Variants in CRLF3 observed in about 807,000 individuals in gnomAD.
The protein encoded by CRLF3 is cytokine receptor like factor 3.
CRLF3 carries 33 observed loss-of-function variants against 55.0 expected under a neutral mutation model. That is an observed-to-expected ratio of 0.60 (90% CI 0.46 to 0.80). The LOEUF (loss-of-function observed/expected upper bound fraction) is 0.80, where lower values mean the gene tolerates loss of function less well. CRLF3 is among the 30% of genes least tolerant of loss of function. CRLF3 has a pLI of 0.00. For missense variants in CRLF3, 494 were observed against 538.4 expected, an observed-to-expected ratio of 0.92 and a Z score of 0.82; for synonymous variants, 238 against 196.8, an observed-to-expected ratio of 1.21 and a Z score of -1.75.
At chr17:30,820,918 G>A (rs959173066) in intron 1 of CRLF3, among the ~76,000 whole-genome samples, 1 of 151,862 alleles carries the variant, frequency 6.6e-6, no homozygotes, top group Admixed American at 6.6e-5. Context: ...AGGCAGGTGT[G>A]GTGGTGTGTA....
At position 30,784,009 on chromosome 17, in the gene CRLF3, T is replaced by C. The variant is rs1314477477; in HGVS notation, c.*178A>G. On this transcript the variant is annotated 3_prime_UTR_variant, in exon 8 of 8. Coordinates refer to ENST00000324238, the MANE Select transcript of CRLF3 (RefSeq NM_015986.4). ...AAATAAAATTGACTGAATTGTATGA[T>C]TTTGTCCACAACATTGAAGTCTCTT... 5.3e-6 allele frequency: 3 copies of C among 569,282 alleles called. No homozygotes were observed. The highest frequency in any genetic ancestry group is 1.9e-5 in the African/African-American group (1 of 53,068). The allele number at this position is 569,282 out of a possible 1,614,324, so 35.3% of individuals were successfully genotyped here.
intron 1 of CRLF3, among the ~76,000 whole-genome samples, chr17:30,814,768 G>A (rs1231351108): frequency 1.3e-5 from 2 of 152,056 alleles, no homozygotes; most frequent in African/African-American, 2.4e-5. Context: ...TTGGGAGCTC[G>A]AGGCAGGTGG....
chr17:30,793,750 GAGCCATTTTGGACCA>G, intron 4 of CRLF3, 78 bp from the exon 5 acceptor site: 1 of 999,088 alleles, frequency 1.0e-6, no homozygotes, highest in Non-Finnish European at 1.5e-6. Context: ...ATTTTGAACG[GAGCCATTTTGGACCA>G]AGCAGACAGG....
chr17:30,816,343 C>T (rs1027981075), intron 1 of CRLF3, among the ~76,000 whole-genome samples: 3 of 150,492 alleles, frequency 2.0e-5, no homozygotes, highest in African/African-American at 7.3e-5. Flanking sequence ...GACTCAAAAA[C>T]CAATGTAAAT....
chr17:30,802,733 T>C (rs1597924468), intron 2 of CRLF3, among the ~76,000 whole-genome samples: 1 of 152,098 alleles, frequency 6.6e-6, no homozygotes, highest in East Asian at 1.9e-4. Context: ...CCCTTGTTTA[T>C]GTTATGTGCC....
intron 1 of CRLF3, among the ~76,000 whole-genome samples, chr17:30,821,124 G>A (rs140985021): frequency 7.9e-4 from 119 of 151,412 alleles, no homozygotes; most frequent in Non-Finnish European, 1.3e-3. Context: ...GCCAAAGTGG[G>A]TGTTCATCTG....
At chr17:30,791,503 A>C (rs1447416190) in intron 6 of CRLF3, among the ~76,000 whole-genome samples, 4 of 141,426 alleles carry the variant, frequency 2.8e-5, no homozygotes, top group Non-Finnish European at 6.1e-5. Context: ...CACTGCGTCC[A>C]GTCTCTTGGC....
At chr17:30,797,641 A>G (rs535895731) in intron 2 of CRLF3, among the ~76,000 whole-genome samples, 78 of 152,174 alleles carry the variant, frequency 5.1e-4, no homozygotes, top group Admixed American at 7.2e-4. Context: ...TCTACTCTAT[A>G]CAAGGAAATC....
At chr17:30,814,987 G>C (rs1597931280) in intron 1 of CRLF3, among the ~76,000 whole-genome samples, 1 of 151,046 alleles carries the variant, frequency 6.6e-6, no homozygotes, top group Admixed American at 6.6e-5. Flanking sequence ...TGGGCAACAA[G>C]TGCGAAACTC....
At chr17:30,809,540 A>T (rs1003205589) in intron 1 of CRLF3, 3 of 152,230 alleles carry the variant, frequency 2.0e-5, no homozygotes, top group African/African-American at 7.2e-5. Context: ...ACTTTCAGAA[A>T]GTGAGGACCA....
At chr17:30,790,428 C>T (rs1597915479) in intron 6 of CRLF3, among the ~76,000 whole-genome samples, 1 of 152,046 alleles carries the variant, frequency 6.6e-6, no homozygotes, top group African/African-American at 2.4e-5. Flanking sequence ...GAAACTTTTC[C>T]ATTACAGAAA....
intron 6 of CRLF3, among the ~76,000 whole-genome samples, chr17:30,788,592 G>A (rs190164790): frequency 7.2e-6 from 1 of 138,156 alleles, no homozygotes; most frequent in African/African-American, 2.8e-5. Context: ...TAACAAAGTA[G>A]TGCCTTCTTT....
At chr17:30,789,709 A>C (rs894905415) in intron 6 of CRLF3, among the ~76,000 whole-genome samples, 1 of 152,232 alleles carries the variant, frequency 6.6e-6, no homozygotes, top group African/African-American at 2.4e-5. Context: ...AAATCAAATG[A>C]GTTAATACAA....
At chr17:30,786,679 C>T (rs372173532) in intron 6 of CRLF3, 1 of 145,778 alleles carries the variant, frequency 6.9e-6, no homozygotes, top group African/African-American at 2.7e-5. Context: ...CACAGGCATT[C>T]TGACTCTAGA....
At chr17:30,810,255 C>T (rs1363850939) in intron 1 of CRLF3, among the ~76,000 whole-genome samples, 1 of 152,122 alleles carries the variant, frequency 6.6e-6, no homozygotes, top group Non-Finnish European at 1.5e-5. Flanking sequence ...ATGTAACAGA[C>T]CATTAAAACT....
rs750539288 is a variant in CRLF3, at chr17:30,796,725, CTTTT to C, written c.426-392_426-389del. Among the ~76,000 whole-genome samples the C allele has an allele frequency of 3.8e-5, 5 of 132,260 alleles. No homozygotes were observed. The Admixed American group carries it at 3.9e-4, about 10-fold the overall frequency. 86.8% of individuals were successfully genotyped at this position (132,260 alleles called of 152,430 possible). On this transcript the variant is annotated intron_variant, in intron 3 of 7. Coordinates refer to ENST00000324238, the MANE Select transcript of CRLF3 (RefSeq NM_015986.4). ...AACAGTGGTAATGGGCAGTGAAACG[CTTTT>C]TTTTTTTTTTTTCAGACAGAGTCTC...
At chr17:30,793,372 A>T in intron 5 of CRLF3, 78 bp downstream of exon 5, 1 of 1,055,236 alleles carries the variant, frequency 9.5e-7, no homozygotes, top group Admixed American at 2.0e-5. Context: ...GCTGGTTGTC[A>T]GTGTGCTGCC....
At chr17:30,788,599 C>CTTTTTTTTTTTTTTTTTTTTTT (rs1159336036) in intron 6 of CRLF3, among the ~76,000 whole-genome samples, 1 of 80,038 alleles carries the variant, frequency 1.2e-5, no homozygotes, top group African/African-American at 5.8e-5. Flanking sequence ...GTAGTGCCTT[C>CTTTTTTTTTTTTTTTTTTTTTT]TTTTTTTTTT....
chr17:30,792,973 A>T, intron 5 of CRLF3: 1 of 113,306 alleles, frequency 8.8e-6, no homozygotes. Flanking sequence ...CCTGGGCAAC[A>T]TAGCAAGACC....
Sources: allele counts gnomAD v4.1 joint callset (sites outside exome capture counted in the v4.1 genomes callset), GRCh38; gene constraint gnomAD v4.1.1; transcripts MANE v1.5; gene names NCBI Gene and HGNC (gene_info 2026-07-23, HGNC 2026-07-21).